The following PCDHA5 variants were observed in gnomAD, a reference collection of about 807,000 sequenced individuals.
PCDHA5 encodes protocadherin alpha 5.
In PCDHA5, 43 loss-of-function variants were observed where a neutral mutation model predicts 61.6. That is an observed-to-expected ratio of 0.70 (90% CI 0.55 to 0.90). The LOEUF is 0.90. Among genes scored for constraint, PCDHA5 ranks in the 40% least tolerant of loss-of-function variants. The pLI, the probability that PCDHA5 is intolerant of heterozygous loss-of-function variation, is 0.00. For missense variants in PCDHA5, 1,298 were observed against 1,222.7 expected (o/e 1.06, Z -0.92); for synonymous variants, 627 against 543.9 (o/e 1.15, Z -2.13).
At chr5:140,901,828 A>G (rs538492227) in intron 1 of PCDHA5, among the ~76,000 whole-genome samples, 1 of 152,318 alleles carries the variant, frequency 6.6e-6, no homozygotes, top group African/African-American at 2.4e-5. Flanking sequence ...CTTCCAGTCC[A>G]TAAACATGCA....
chr5:140,855,355 C>T (rs1489669614), intron 1 of PCDHA5, among the ~76,000 whole-genome samples: 3 of 149,796 alleles, frequency 2.0e-5, no homozygotes, highest in African/African-American at 7.3e-5. Context: ...AGTCATGTGG[C>T]TAGTGAGTAG....
chr5:140,852,885 ATTT>A, intron 1 of PCDHA5: 4 of 778,030 alleles, frequency 5.1e-6, no homozygotes, highest in Non-Finnish European at 6.3e-6. Flanking sequence ...CATAAAACGT[ATTT>A]TTTTTTTTGA....
At chr5:140,825,959 T>C (rs1434784676) in intron 1 of PCDHA5, 5 of 152,496 alleles carry the variant, frequency 3.3e-5, no homozygotes, top group African/African-American at 1.2e-4. Context: ...ATTTGTCTAC[T>C]CTTTTGAGGG....
chr5:140,847,542 C>T (rs1442885551), intron 1 of PCDHA5: 1 of 149,324 alleles, frequency 6.7e-6, no homozygotes, highest in African/African-American at 2.5e-5. Flanking sequence ...TCAAGCATAG[C>T]TTTAAAAACA....
chr5:140,899,269 A>G (rs1301807291), intron 1 of PCDHA5, among the ~76,000 whole-genome samples: 43 of 152,142 alleles, frequency 2.8e-4, no homozygotes, highest in African/African-American at 1.0e-3. Flanking sequence ...GTCTTGTGGC[A>G]GTTTTCAAAG....
At chr5:140,944,383 C>T (rs1344204416) in intron 1 of PCDHA5, among the ~76,000 whole-genome samples, 1 of 152,084 alleles carries the variant, frequency 6.6e-6, no homozygotes, top group African/African-American at 2.4e-5. Context: ...GATGGAGTCT[C>T]ACTGTGTTAT....
At chr5:140,854,178 A>G (rs2043021755) in intron 1 of PCDHA5, 4 of 531,272 alleles carry the variant, frequency 7.5e-6, no homozygotes, top group African/African-American at 2.1e-5. Flanking sequence ...AAAAAAAAAG[A>G]GTAGTTTAAC....
At chr5:140,852,634 G>C (rs1450409196) in intron 1 of PCDHA5, 2 of 955,260 alleles carry the variant, frequency 2.1e-6, no homozygotes, top group African/African-American at 3.6e-5. Flanking sequence ...CTGAGCTCCT[G>C]TCATTAAACC....
chr5:140,829,228 A>C (rs1327321608), intron 1 of PCDHA5: 1 of 1,614,122 alleles, frequency 6.2e-7, no homozygotes, highest in East Asian at 2.2e-5. Context: ...ACCTCGATTC[A>C]GGTGCCAACG....
chr5:140,995,787 T>C (rs2097697894), intron 3 of PCDHA5, among the ~76,000 whole-genome samples: 1 of 152,152 alleles, frequency 6.6e-6, no homozygotes, highest in Non-Finnish European at 1.5e-5. Context: ...AGGTTTAAAA[T>C]TTGTCTCATG....
chr5:140,886,095 T>C (rs1229514130), intron 1 of PCDHA5, among the ~76,000 whole-genome samples: 2 of 152,200 alleles, frequency 1.3e-5, no homozygotes, highest in Non-Finnish European at 2.9e-5. Flanking sequence ...ATATTGACAT[T>C]GATACAGTAA....
intron 1 of PCDHA5, among the ~76,000 whole-genome samples, chr5:140,910,353 A>G (rs938677700): frequency 1.1e-4 from 16 of 152,306 alleles, no homozygotes; most frequent in African/African-American, 3.8e-4. Context: ...TCTGCTGTCC[A>G]TTATGGTAGC....
chr5:140,823,360 C>G lies in PCDHA5; in HGVS notation c.1585C>G (p.Leu529Val), dbSNP rs2150124994. Residue 529 changes from leucine (L) to valine (V), a missense_variant, in exon 1 of 4, where the codon CTG becomes GTG. Transcript: ENST00000529859. ...GCCGCTGGACCACGAGGAAGTGGAG[C>G]TGCTGCAGTTCCAGGTGAGCGCGCG... ...LQPLDHEEVE[L>V]LQFQVSARDA... 1.2e-6 allele frequency: 2 copies of G among 1,612,688 alleles called. No homozygotes were observed. The highest frequency in any genetic ancestry group is 8.5e-7 in the Non-Finnish European group (1 of 1,179,802).
At chr5:140,850,167 G>C (rs2041389844) in intron 1 of PCDHA5, 2 of 1,594,718 alleles carry the variant, frequency 1.3e-6, no homozygotes, top group African/African-American at 1.3e-5. Flanking sequence ...CGTGCTGGAC[G>C]AGAACGACAA....
chr5:140,887,632 G>T (rs1554183131), intron 1 of PCDHA5, among the ~76,000 whole-genome samples: 1 of 151,834 alleles, frequency 6.6e-6, no homozygotes, highest in Admixed American at 6.6e-5. Context: ...ATGTTAGTCT[G>T]TTGGGGTTTG....
intron 1 of PCDHA5, chr5:140,862,524 C>T: frequency 4.8e-6 from 2 of 417,532 alleles, no homozygotes; most frequent in Middle Eastern, 9.1e-4. Context: ...TTGTTGGCCA[C>T]AGCCATCGGG....
At chr5:140,972,334 A>G (rs2153793460) in intron 1 of PCDHA5, among the ~76,000 whole-genome samples, 1 of 151,024 alleles carries the variant, frequency 6.6e-6, no homozygotes, top group Admixed American at 6.6e-5. Flanking sequence ...TTTTTGGAAG[A>G]GATGGGGGTC....
chr5:140,846,662 C>T (rs1432643627), intron 1 of PCDHA5, among the ~76,000 whole-genome samples: 1 of 149,210 alleles, frequency 6.7e-6, no homozygotes, highest in Non-Finnish European at 1.5e-5. Flanking sequence ...GCATGAGCCA[C>T]CGCGCCCAGC....
intron 1 of PCDHA5, among the ~76,000 whole-genome samples, chr5:140,916,821 C>T (rs2077744344): frequency 6.6e-6 from 1 of 152,170 alleles, no homozygotes; most frequent in African/African-American, 2.4e-5. Flanking sequence ...TGTGCCACCC[C>T]TATCCCTCTG....
Sources: allele counts gnomAD v4.1 joint callset (sites outside exome capture counted in the v4.1 genomes callset), GRCh38; gene constraint gnomAD v4.1.1; transcripts MANE v1.5; gene names NCBI Gene and HGNC (gene_info 2026-07-23, HGNC 2026-07-21).